Variants in PTPRD observed in about 807,000 individuals in gnomAD.
The protein encoded by PTPRD is protein tyrosine phosphatase receptor type D.
In PTPRD, 34 loss-of-function variants were observed where a neutral mutation model predicts 214.5. That is an observed-to-expected ratio of 0.16 (90% CI 0.12 to 0.21). PTPRD has a LOEUF of 0.21. PTPRD is among the 10% of genes least tolerant of loss of function. The pLI, the probability that PTPRD is intolerant of heterozygous loss-of-function variation, is 1.00. For missense variants in PTPRD, 2,545 were observed against 2,398.7 expected, an observed-to-expected ratio of 1.06 and a Z score of -1.27; for synonymous variants, 1,128 against 845.7, an observed-to-expected ratio of 1.33 and a Z score of -5.79.
intron 7 of PTPRD, among the ~76,000 whole-genome samples, chr9:9,681,022 C>T (rs192376688): frequency 1.8e-3 from 274 of 151,792 alleles, no homozygotes; most frequent in Admixed American, 4.4e-3. Context: ...TCACACAGAG[C>T]AGCAGTTGGA....
intron 7 of PTPRD, among the ~76,000 whole-genome samples, chr9:9,695,336 C>A (rs1423206791): frequency 6.6e-6 from 1 of 152,108 alleles, no homozygotes; most frequent in African/African-American, 2.4e-5. Flanking sequence ...ACAAAGTTCT[C>A]TTCACTCTCC....
intron 7 of PTPRD, among the ~76,000 whole-genome samples, chr9:9,651,507 T>C (rs913415817): frequency 2.0e-5 from 3 of 152,172 alleles, no homozygotes; most frequent in Admixed American, 1.3e-4. Flanking sequence ...TGGTTTTCTG[T>C]TCCTGTGTTA....
At chr9:10,169,453 G>C (rs2099185880) in intron 3 of PTPRD, among the ~76,000 whole-genome samples, 1 of 111,196 alleles carries the variant, frequency 9.0e-6, no homozygotes, top group Non-Finnish European at 1.6e-5. Flanking sequence ...CAGCCTGGGC[G>C]AAAGAGCGAG....
At chr9:9,069,849 G>T (rs528579519) in intron 10 of PTPRD, among the ~76,000 whole-genome samples, 1 of 152,144 alleles carries the variant, frequency 6.6e-6, no homozygotes, top group East Asian at 1.9e-4. Flanking sequence ...CACTAAAGCA[G>T]TGCCAGATTG....
At chr9:10,360,982 G>T (rs867102970) in intron 2 of PTPRD, among the ~76,000 whole-genome samples, 10 of 151,964 alleles carry the variant, frequency 6.6e-5, no homozygotes, top group Non-Finnish European at 1.5e-4. Flanking sequence ...GGCGCCTGTA[G>T]TCCCAGCTAC....
chr9:9,435,734 T>A (rs1459719306), intron 8 of PTPRD, among the ~76,000 whole-genome samples: 1 of 152,170 alleles, frequency 6.6e-6, no homozygotes. Flanking sequence ...ATATTAATAT[T>A]TGGTTTTCAA....
At chr9:10,599,278 G>T (rs10959191) in intron 2 of PTPRD, among the ~76,000 whole-genome samples, 3 of 151,750 alleles carry the variant, frequency 2.0e-5, no homozygotes, top group Admixed American at 2.0e-4. Context: ...ACTGTTAAAT[G>T]ATTATAATTG....
At chr9:8,859,077 C>G (rs2098036230) in intron 11 of PTPRD, among the ~76,000 whole-genome samples, 1 of 152,230 alleles carries the variant, frequency 6.6e-6, no homozygotes, top group Non-Finnish European at 1.5e-5. Flanking sequence ...CAGTTTGTGT[C>G]CGCCCCAGTT....
intron 3 of PTPRD, among the ~76,000 whole-genome samples, chr9:10,102,182 A>T (rs990499240): frequency 2.0e-5 from 3 of 151,684 alleles, no homozygotes; most frequent in Non-Finnish European, 3.0e-5. Context: ...TTCATGCCTT[A>T]TAAAATCACT....
intron 11 of PTPRD, among the ~76,000 whole-genome samples, chr9:8,793,394 C>A (rs1324352599): frequency 6.6e-6 from 1 of 152,170 alleles, no homozygotes; most frequent in African/African-American, 2.4e-5. Context: ...GAAAAAGATC[C>A]TCCAGCCCCA....
chr9:9,212,492 T>C (rs112512709), intron 9 of PTPRD, among the ~76,000 whole-genome samples: 1 of 152,298 alleles, frequency 6.6e-6, no homozygotes, highest in South Asian at 2.1e-4. Flanking sequence ...TGTATATTAC[T>C]GCAAAAACAC....
intron 2 of PTPRD, among the ~76,000 whole-genome samples, chr9:10,540,990 C>A (rs974127481): frequency 2.6e-5 from 4 of 152,106 alleles, no homozygotes; most frequent in Non-Finnish European, 5.9e-5. Context: ...ATTACTCACT[C>A]AAGTTCATGC....
rs192262778 is a variant in PTPRD at position 8,674,207 on chromosome 9, C to T, written c.65-37363G>A. On this transcript the variant is annotated intron_variant, in intron 12 of 45. Transcript: ENST00000381196. ...CTGAAGTTTGGCTCATGCCTGTAAT[C>T]CCGGCACTTTGCGAGGCCGAGGCAG... 1.8e-3 allele frequency among the ~76,000 whole-genome samples: 269 copies of T among 152,202 alleles called. 3 individuals are homozygous for T. The highest frequency in any genetic ancestry group is 5.8e-3 in the African/African-American group (242 of 41,538).
chr9:10,420,692 G>A (rs986184391), intron 2 of PTPRD, among the ~76,000 whole-genome samples: 1 of 151,750 alleles, frequency 6.6e-6, no homozygotes, highest in African/African-American at 2.4e-5. Flanking sequence ...GGCTTCAAAT[G>A]TCTACTAATA....
intron 5 of PTPRD, among the ~76,000 whole-genome samples, chr9:9,860,793 C>A (rs978351852): frequency 2.6e-5 from 4 of 152,096 alleles, no homozygotes; most frequent in Non-Finnish European, 5.9e-5. Context: ...CTAGTGGTAT[C>A]CCTTGGTCAA....
intron 8 of PTPRD, among the ~76,000 whole-genome samples, chr9:9,504,611 C>T (rs1590087300): frequency 6.6e-6 from 1 of 151,654 alleles, no homozygotes; most frequent in East Asian, 1.9e-4. Flanking sequence ...GATGCCTACG[C>T]TCACCATTTC....
intron 2 of PTPRD, among the ~76,000 whole-genome samples, chr9:10,512,341 A>G (rs1430482195): frequency 6.6e-6 from 1 of 152,036 alleles, no homozygotes; most frequent in South Asian, 2.1e-4. Flanking sequence ...TGTGAAATGA[A>G]TGACGCAATA....
chr9:9,761,238 A>G (rs1434173988), intron 6 of PTPRD, among the ~76,000 whole-genome samples: 2 of 152,236 alleles, frequency 1.3e-5, no homozygotes, highest in African/African-American at 4.8e-5. Flanking sequence ...TGATACATGC[A>G]ACAACTTGGG....
chr9:9,411,196 A>AATAT (rs2141911484), intron 8 of PTPRD, among the ~76,000 whole-genome samples: 1 of 152,130 alleles, frequency 6.6e-6, no homozygotes, highest in Admixed American at 6.5e-5. Flanking sequence ...GTTCCTATTC[A>AATAT]ATTCCCAATA....
Sources: allele counts gnomAD v4.1 joint callset (sites outside exome capture counted in the v4.1 genomes callset), GRCh38; gene constraint gnomAD v4.1.1; transcripts MANE v1.5; gene names NCBI Gene and HGNC (gene_info 2026-07-23, HGNC 2026-07-21).